DLD: variants seen among roughly 807,000 people sequenced by gnomAD.
The protein encoded by DLD is dihydrolipoamide dehydrogenase, also known as dihydrolipoyl dehydrogenase, mitochondrial.
In DLD, 36 loss-of-function variants were observed where a neutral mutation model predicts 62.2. That is an observed-to-expected ratio of 0.58 (90% CI 0.44 to 0.76). The LOEUF is 0.76. Ranked by LOEUF, DLD falls within the 30% of genes least tolerant of loss-of-function variation. The pLI, the probability that DLD is intolerant of heterozygous loss-of-function variation, is 0.00. For synonymous variants in DLD, 204 were observed against 199.6 expected (o/e 1.02, Z -0.19); for missense variants, 541 against 608.6 (o/e 0.89, Z 1.17).
At chr7:107,905,830 C>T (rs574523619) in intron 7 of DLD, 1 of 357,994 alleles carries the variant, frequency 2.8e-6, no homozygotes, top group South Asian at 2.9e-5. Context: ...AAATAAATGA[C>T]TTAGTATTTT....
intron 8 of DLD, among the ~76,000 whole-genome samples, chr7:107,910,079 ACTC>A (rs1269391064): frequency 6.7e-6 from 1 of 148,742 alleles, no homozygotes; most frequent in African/African-American, 2.5e-5. Flanking sequence ...CTGGTCTTGA[ACTC>A]CTGACCTCAT....
chr7:107,895,208 G>A (rs975569442), intron 2 of DLD, among the ~76,000 whole-genome samples: 3 of 152,366 alleles, frequency 2.0e-5, no homozygotes, highest in East Asian at 3.9e-4. Context: ...AGATGGAAGA[G>A]TTAGGTTTTT....
intron 9 of DLD, 106 bp downstream of exon 9, chr7:107,915,802 G>T (rs1158574169): frequency 5.2e-6 from 5 of 963,624 alleles, no homozygotes; most frequent in Admixed American, 2.2e-5. Context: ...CTAACTTAAG[G>T]TCATTTTATT....
At chr7:107,909,682 T>C (rs758387156) in intron 8 of DLD, among the ~76,000 whole-genome samples, 6 of 152,166 alleles carry the variant, frequency 3.9e-5, no homozygotes, top group Admixed American at 6.5e-5. Flanking sequence ...TAATGTCTTC[T>C]AGTATTTAGC....
intron 2 of DLD, among the ~76,000 whole-genome samples, chr7:107,899,635 A>T (rs1030316451): frequency 1.3e-5 from 2 of 152,092 alleles, no homozygotes; most frequent in Non-Finnish European, 2.9e-5. Flanking sequence ...TTGGAGAATT[A>T]TAGCAGTAAT....
intron 2 of DLD, among the ~76,000 whole-genome samples, chr7:107,898,383 C>T (rs1420927646): frequency 4.1e-5 from 6 of 147,168 alleles, no homozygotes; most frequent in Middle Eastern, 7.2e-3. Flanking sequence ...TGGGTTCAAG[C>T]GATTCTCCTG....
At chr7:107,893,924 C>A (rs573455545) in intron 2 of DLD, among the ~76,000 whole-genome samples, 1 of 152,068 alleles carries the variant, frequency 6.6e-6, no homozygotes, top group African/African-American at 2.4e-5. Flanking sequence ...TAATTTTGTC[C>A]GTTGAGTAAG....
intron 8 of DLD, among the ~76,000 whole-genome samples, chr7:107,908,480 C>G (rs1299263838): frequency 2.0e-5 from 3 of 151,694 alleles, no homozygotes; most frequent in African/African-American, 7.3e-5. Context: ...CTAGCCTGGG[C>G]AACAATGTGA....
intron 2 of DLD, among the ~76,000 whole-genome samples, chr7:107,894,663 C>G (rs2031673105): frequency 2.0e-5 from 3 of 152,186 alleles, no homozygotes; most frequent in Admixed American, 1.3e-4. Flanking sequence ...TGGCATCACT[C>G]AGCAGAGATT....
chr7:107,893,318 T>C, intron 2 of DLD, 40 bp downstream of exon 2: 1 of 1,444,386 alleles, frequency 6.9e-7, no homozygotes, highest in Non-Finnish European at 9.7e-7. Context: ...TCACATTAGC[T>C]GACAGTTCCT....
chr7:107,911,897 C>T (rs984764671), intron 8 of DLD, among the ~76,000 whole-genome samples: 2 of 151,892 alleles, frequency 1.3e-5, no homozygotes, highest in Non-Finnish European at 2.9e-5. Context: ...CTATAGTCAA[C>T]CCTGCATTAA....
intron 8 of DLD, among the ~76,000 whole-genome samples, chr7:107,906,791 A>G (rs563157515): frequency 6.6e-6 from 1 of 152,244 alleles, no homozygotes; most frequent in South Asian, 2.1e-4. Flanking sequence ...ATGTCAAACT[A>G]CTTGCATTTC....
At chr7:107,917,609 T>TA (rs2032300676) in intron 11 of DLD, 147 bp downstream of exon 11, 2 of 919,400 alleles carry the variant, frequency 2.2e-6, no homozygotes, top group South Asian at 1.4e-5. Flanking sequence ...TTGTTAGCAT[T>TA]ATAAAGAGAT....
In DLD at chr7:107,915,557, G is replaced by T; in HGVS notation, c.736G>T (p.Gly246Cys). The T allele has an allele frequency of 6.2e-7, 1 of 1,613,772 alleles. No homozygotes were observed. Among genetic ancestry groups the T allele is most frequent in the South Asian group, 1.1e-5 (1 of 91,074 alleles). ...GADVTAVEFL[G>C]HVGGVGIDME... ...AGATGTGACAGCAGTTGAATTTTTA[G>T]GTCATGTAGGTGGAGTTGGAATTGA... is the stretch of plus-strand genomic sequence containing the variant. Residue 246 changes from glycine to cysteine, a missense_variant, in exon 9 of 14, where the codon GGT (glycine) becomes TGT (cysteine). Transcript: ENST00000205402.
chr7:107,903,459 T>C lies in DLD; in HGVS notation c.268-19T>C, dbSNP rs373587265. On this transcript the variant is annotated intron_variant, in intron 4 of 13. Transcript: ENST00000205402. ...TGTTTATGAATATTTGATAATTTGA[T>C]CTTTTTAATTTCCTTTAGGCTTTAT... 14 of 1,417,146 alleles carry C rather than the reference T, an allele frequency of 9.9e-6. No homozygotes were observed. The highest frequency in any genetic ancestry group is 5.6e-5 in the African/African-American group (4 of 71,178). The allele number at this position is 1,417,146 out of a possible 1,614,324, so 87.8% of individuals were successfully genotyped here. A position where few individuals can be genotyped will look rare whatever the true frequency, so the allele number is the denominator to read the frequency against.
intron 2 of DLD, among the ~76,000 whole-genome samples, chr7:107,900,786 C>T (rs1203414744): frequency 6.6e-6 from 1 of 152,074 alleles, no homozygotes; most frequent in Non-Finnish European, 1.5e-5. Context: ...TTCTGAGACT[C>T]AAACATGATA....
intron 7 of DLD, 100 bp downstream of exon 7, chr7:107,905,604 G>A (rs1292680436): frequency 1.5e-6 from 2 of 1,300,320 alleles, no homozygotes; most frequent in Non-Finnish European, 2.2e-6. Context: ...ATTTCTGACT[G>A]AAATACTATA....
In DLD at chr7:107,917,431, T is replaced by C; in HGVS notation, c.1205T>C (p.Val402Ala). The C allele has an allele frequency of 6.2e-7, 1 of 1,614,136 alleles. No individual in the cohort carries two copies. The highest frequency in any genetic ancestry group is 1.3e-5 in the African/African-American group (1 of 75,038). Residue 402 changes from valine to alanine, a missense_variant, in exon 11 of 14, where the codon GTT becomes GCT. Coordinates refer to ENST00000205402, the MANE Select transcript of DLD (RefSeq NM_000108.5). ...VIYTHPEVAW[V>A]GKSEEQLKEE... is the part of the protein sequence containing the mutation. ...TACACACACCCTGAAGTTGCTTGGG[T>C]TGGCAAATCAGAAGAGCAGTTGAAA...
At chr7:107,917,555 T>A in intron 11 of DLD, 93 bp downstream of exon 11, 1 of 1,198,554 alleles carries the variant, frequency 8.3e-7, no homozygotes. Context: ...TATGCTAATA[T>A]ATTTAACAGC....
Sources: allele counts gnomAD v4.1 joint callset (sites outside exome capture counted in the v4.1 genomes callset), GRCh38; gene constraint gnomAD v4.1.1; transcripts MANE v1.5; gene names NCBI Gene and HGNC (gene_info 2026-07-23, HGNC 2026-07-21).